NEGR1: variants seen among roughly 807,000 people sequenced by gnomAD.
The protein encoded by NEGR1 is IgLON family member 4.
NEGR1 carries 10 observed loss-of-function variants against 40.9 expected under a neutral mutation model. The observed-to-expected ratio is 0.24, with a 90% confidence interval of 0.15 to 0.42. NEGR1 has a LOEUF of 0.42. NEGR1 is among the 10% of genes least tolerant of loss of function. NEGR1 has a pLI of 1.00. For synonymous variants in NEGR1, 185 were observed against 166.8 expected (o/e 1.11, Z -0.84); for missense variants, 352 against 438.9 (o/e 0.80, Z 1.77).
intron 1 of NEGR1, among the ~76,000 whole-genome samples, chr1:72,211,947 A>G (rs1653624528): frequency 6.6e-6 from 1 of 151,928 alleles, no homozygotes. Context: ...TCTGCAATGC[A>G]AAGTGGTAAA....
At chr1:71,847,323 T>G (rs1659452636) in intron 2 of NEGR1, among the ~76,000 whole-genome samples, 1 of 152,198 alleles carries the variant, frequency 6.6e-6, no homozygotes. Flanking sequence ...TTTTATTATC[T>G]TCCTTTCATT....
intron 6 of NEGR1, among the ~76,000 whole-genome samples, chr1:71,491,196 G>T (rs1646925255): frequency 6.6e-6 from 1 of 151,904 alleles, no homozygotes; most frequent in African/African-American, 2.4e-5. Context: ...TATTTATATG[G>T]CATTTACATA....
At chr1:72,093,385 A>G (rs1315267774) in intron 1 of NEGR1, among the ~76,000 whole-genome samples, 1 of 151,948 alleles carries the variant, frequency 6.6e-6, no homozygotes, top group Admixed American at 6.6e-5. Context: ...AATTTTAGTT[A>G]TTAAACTAAC....
At chr1:71,791,041 AGAGGAGAGAAATG>A in intron 2 of NEGR1, among the ~76,000 whole-genome samples, 1 of 152,202 alleles carries the variant, frequency 6.6e-6, no homozygotes, top group Admixed American at 6.5e-5. Context: ...CAAGCCCATT[AGAGGAGAGAAATG>A]GAATTTCTTC....
intron 6 of NEGR1, among the ~76,000 whole-genome samples, chr1:71,521,565 A>G (rs527336465): frequency 7.9e-5 from 12 of 152,194 alleles, no homozygotes; most frequent in Non-Finnish European, 1.3e-4. Context: ...TATCTCACTC[A>G]GTCCCAAACA....
chr1:71,425,670 T>A lies in NEGR1; in HGVS notation c.941-18100A>T, dbSNP rs544938464. 1.2e-3 allele frequency among the ~76,000 whole-genome samples: 183 copies of A among 152,236 alleles called. 2 individuals are homozygous for A. The highest frequency in any genetic ancestry group is 2.9e-4 in the Non-Finnish European group (20 of 68,016). On this transcript the variant is annotated intron_variant, in intron 6 of 6. Coordinates refer to ENST00000357731, the MANE Select transcript of NEGR1 (RefSeq NM_173808.3). Reference sequence around the variant, plus strand: ...CACACACTTTTTTTAATGTAAAATATCTGAGTCGGAACACTTCTCAATGAA... The same window carrying A: ...CACACACTTTTTTTAATGTAAAATAACTGAGTCGGAACACTTCTCAATGAA...
chr1:71,945,714 C>T (rs1328388484), intron 1 of NEGR1, among the ~76,000 whole-genome samples: 2 of 152,068 alleles, frequency 1.3e-5, no homozygotes, highest in Non-Finnish European at 2.9e-5. Flanking sequence ...AACTTACATT[C>T]AGAAACCATA....
chr1:71,607,284 ATAAG>A (rs1174795194), intron 5 of NEGR1, among the ~76,000 whole-genome samples: 1 of 152,246 alleles, frequency 6.6e-6, no homozygotes, highest in African/African-American at 2.4e-5. Flanking sequence ...TTGGGAAATT[ATAAG>A]TGAGTGTTTG....
chr1:71,519,815 A>G lies in NEGR1; in HGVS notation c.940+73002T>C, dbSNP rs566924197. On this transcript the variant is annotated intron_variant, in intron 6 of 6. Transcript: ENST00000357731. ...TCAAATGCACACTGAAGTCTTAGGCAGCCCATTTTGATATGGTACTTCCAA... is the reference window on the plus strand; with the variant it reads ...TCAAATGCACACTGAAGTCTTAGGCGGCCCATTTTGATATGGTACTTCCAA... Among the ~76,000 whole-genome samples the G allele has an allele frequency of 2.6e-4, 40 of 152,110 alleles. No individual in the cohort carries two copies. In the South Asian group the frequency reaches 7.9e-3, roughly 30 times the overall value.
chr1:71,767,273 C>T (rs1656165859), intron 3 of NEGR1, among the ~76,000 whole-genome samples: 1 of 152,060 alleles, frequency 6.6e-6, no homozygotes, highest in African/African-American at 2.4e-5. Flanking sequence ...GGGATATGGA[C>T]AATGAAATCC....
At chr1:71,462,682 T>C (rs1282575642) in intron 6 of NEGR1, among the ~76,000 whole-genome samples, 2 of 152,112 alleles carry the variant, frequency 1.3e-5, no homozygotes, top group African/African-American at 4.8e-5. Flanking sequence ...TATAAGAGAA[T>C]ATAAAGGCCA....
At chr1:72,188,660 A>C (rs1364481674) in intron 1 of NEGR1, among the ~76,000 whole-genome samples, 2 of 151,498 alleles carry the variant, frequency 1.3e-5, no homozygotes, top group African/African-American at 4.8e-5. Flanking sequence ...TTGGTACACA[A>C]AAATCTCAGG....
intron 1 of NEGR1, among the ~76,000 whole-genome samples, chr1:72,183,171 C>A (rs1450218042): frequency 6.6e-6 from 1 of 152,052 alleles, no homozygotes; most frequent in Admixed American, 6.6e-5. Context: ...CCACTGAAAC[C>A]TCTCTTTAAG....
intron 4 of NEGR1, among the ~76,000 whole-genome samples, chr1:71,662,291 G>A (rs1218293688): frequency 6.6e-6 from 1 of 152,140 alleles, no homozygotes; most frequent in Admixed American, 6.5e-5. Context: ...CTGCCAGTAG[G>A]GTTTTGAACT....
intron 1 of NEGR1, among the ~76,000 whole-genome samples, chr1:72,149,192 G>A (rs1343880013): frequency 6.6e-6 from 1 of 152,170 alleles, no homozygotes; most frequent in Admixed American, 6.6e-5. Flanking sequence ...AAAAAGTGAG[G>A]AAGAAGCAAA....
At chr1:71,504,237 T>C (rs1205172261) in intron 6 of NEGR1, among the ~76,000 whole-genome samples, 2 of 151,570 alleles carry the variant, frequency 1.3e-5, no homozygotes, top group Non-Finnish European at 2.9e-5. Flanking sequence ...CAAAAAAAGA[T>C]TGATGGATAA....
At chr1:71,545,194 A>G (rs1246895525) in intron 6 of NEGR1, among the ~76,000 whole-genome samples, 2 of 151,680 alleles carry the variant, frequency 1.3e-5, no homozygotes, top group African/African-American at 4.8e-5. Flanking sequence ...ACAAGGTCCC[A>G]TGCTGGACCT....
intron 1 of NEGR1, among the ~76,000 whole-genome samples, chr1:72,043,566 G>T: frequency 6.6e-6 from 1 of 151,624 alleles, no homozygotes; most frequent in East Asian, 1.9e-4. Flanking sequence ...AAATCACATT[G>T]GATTAAAAGT....
chr1:71,442,438 A>C (rs1446644516), intron 6 of NEGR1, among the ~76,000 whole-genome samples: 2 of 151,960 alleles, frequency 1.3e-5, no homozygotes, highest in East Asian at 1.9e-4. Flanking sequence ...ACATGGTGAA[A>C]TCCAGACTCT....
Sources: gnomAD v4.1 joint callset for allele counts (sites outside exome capture counted in the v4.1 genomes callset) on GRCh38, gnomAD v4.1.1 for gene constraint, MANE v1.5 for transcripts, NCBI Gene and HGNC (gene_info 2026-07-23, HGNC 2026-07-21) for gene names.